MAGI2: variants seen among roughly 807,000 people sequenced by gnomAD.
The protein encoded by MAGI2 is membrane associated guanylate kinase, WW and PDZ domain containing 2.
MAGI2 carries 35 observed loss-of-function variants against 133.3 expected under a neutral mutation model. The ratio of observed to expected loss-of-function variants is 0.26; its 90% CI spans 0.20 to 0.35. MAGI2 has a LOEUF of 0.35. MAGI2 is among the 10% of genes least tolerant of loss of function. The pLI, the probability that MAGI2 is intolerant of heterozygous loss-of-function variation, is 1.00. For missense variants in MAGI2, 1,636 were observed against 1,863.4 expected (o/e 0.88, Z 2.25); for synonymous variants, 729 against 710.6 (o/e 1.03, Z -0.41).
intron 1 of MAGI2, among the ~76,000 whole-genome samples, chr7:79,370,839 C>G (rs570129991): frequency 6.6e-6 from 1 of 152,116 alleles, no homozygotes; most frequent in South Asian, 2.1e-4. Flanking sequence ...AAACACGGCA[C>G]TCCCCTAAAA....
At chr7:79,120,172 T>A (rs1220457401) in intron 1 of MAGI2, among the ~76,000 whole-genome samples, 1 of 152,098 alleles carries the variant, frequency 6.6e-6, no homozygotes, top group Non-Finnish European at 1.5e-5. Context: ...GTAGTCTGAT[T>A]GCCTTTTTAT....
At chr7:78,315,470 T>C (rs1787316533) in intron 9 of MAGI2, among the ~76,000 whole-genome samples, 1 of 152,174 alleles carries the variant, frequency 6.6e-6, no homozygotes, top group Admixed American at 6.6e-5. Flanking sequence ...CATTGAGTTC[T>C]TCCTTGGAGG....
intron 2 of MAGI2, among the ~76,000 whole-genome samples, chr7:78,754,861 T>C (rs1823795761): frequency 6.6e-6 from 1 of 152,246 alleles, no homozygotes; most frequent in Non-Finnish European, 1.5e-5. Flanking sequence ...CACCAGAGAA[T>C]GAAGGCAAAT....
chr7:79,157,043 G>A (rs1160307686), intron 1 of MAGI2, among the ~76,000 whole-genome samples: 1 of 152,052 alleles, frequency 6.6e-6, no homozygotes, highest in Non-Finnish European at 1.5e-5. Flanking sequence ...CTCCTAGGAA[G>A]TTGTTGCTAA....
chr7:79,156,176 A>G (rs1823760276), intron 1 of MAGI2, among the ~76,000 whole-genome samples: 1 of 152,144 alleles, frequency 6.6e-6, no homozygotes, highest in Non-Finnish European at 1.5e-5. Context: ...AACTCTATGT[A>G]TCGTGACTTG....
At chr7:78,533,466 T>C (rs1797632872) in intron 3 of MAGI2, among the ~76,000 whole-genome samples, 1 of 152,092 alleles carries the variant, frequency 6.6e-6, no homozygotes, top group South Asian at 2.1e-4. Context: ...TTTCATGAAG[T>C]TGTAAGGTTC....
chr7:78,749,220 C>T (rs1342079415), intron 2 of MAGI2, among the ~76,000 whole-genome samples: 1 of 151,998 alleles, frequency 6.6e-6, no homozygotes, highest in African/African-American at 2.4e-5. Flanking sequence ...TAAGCCTTGG[C>T]AAACAGGTAG....
At chr7:78,671,275 CTCTCT>C (rs1386589952) in intron 2 of MAGI2, among the ~76,000 whole-genome samples, 1 of 87,128 alleles carries the variant, frequency 1.1e-5, no homozygotes, top group Non-Finnish European at 2.3e-5. Context: ...TTGTGTCTCT[CTCTCT>C]CTTTTTTTTT....
chr7:78,145,598 G>C (rs753848428), intron 16 of MAGI2, among the ~76,000 whole-genome samples: 1 of 152,160 alleles, frequency 6.6e-6, no homozygotes, highest in Non-Finnish European at 1.5e-5. Context: ...TTGGCCCCCT[G>C]TTGTTCTCTT....
At chr7:79,159,747 C>T (rs373902727) in intron 1 of MAGI2, among the ~76,000 whole-genome samples, 9 of 152,070 alleles carry the variant, frequency 5.9e-5, no homozygotes, top group South Asian at 4.1e-4. Flanking sequence ...CTTTCTCTTT[C>T]GAAAAGGCCT....
intron 1 of MAGI2, among the ~76,000 whole-genome samples, chr7:79,285,703 A>T (rs935321446): frequency 1.3e-5 from 2 of 152,098 alleles, no homozygotes; most frequent in Admixed American, 1.3e-4. Context: ...TACTGATCAC[A>T]AAGGATACAC....
At chr7:78,864,625 A>G (rs1212303357) in intron 2 of MAGI2, among the ~76,000 whole-genome samples, 2 of 152,178 alleles carry the variant, frequency 1.3e-5, no homozygotes, top group African/African-American at 4.8e-5. Context: ...AACTTTAATA[A>G]CAGGTTGGAA....
intron 21 of MAGI2, among the ~76,000 whole-genome samples, chr7:78,070,612 ATATATGTG>A (rs1456454125): frequency 4.1e-4 from 53 of 128,980 alleles, no homozygotes; most frequent in Non-Finnish European, 5.5e-4. Flanking sequence ...ATGTGTATAT[ATATATGTG>A]TGTGTGTGTG....
chr7:78,536,126 T>TTG, intron 3 of MAGI2, among the ~76,000 whole-genome samples: 1 of 131,118 alleles, frequency 7.6e-6, no homozygotes, highest in Admixed American at 7.6e-5. Context: ...TTTTTTTTTT[T>TTG]TTTTGAGACG....
intron 2 of MAGI2, among the ~76,000 whole-genome samples, chr7:78,710,531 T>C (rs567177739): frequency 6.6e-6 from 1 of 152,286 alleles, no homozygotes; most frequent in South Asian, 2.1e-4. Context: ...TGGAGTTTTA[T>C]CTGTCCATGG....
At position 79,274,795 on chromosome 7, in the gene MAGI2, C is replaced by T. The variant is rs145270316; in HGVS notation, c.301+178225G>A. Among the ~76,000 whole-genome samples, 10 of 152,210 alleles carry T rather than the reference C, an allele frequency of 6.6e-5. No individual in the cohort carries two copies. The East Asian group carries it at 1.7e-3, about 27-fold the overall frequency. On this transcript the variant is annotated intron_variant, in intron 1 of 21. Coordinates refer to ENST00000354212, the MANE Select transcript of MAGI2 (RefSeq NM_012301.4). ...CCAACATGATCACTTTGTGTCTCCACGTCACATTTTAGTAATTCTCACAAT... is the reference window on the plus strand; with the variant it reads ...CCAACATGATCACTTTGTGTCTCCATGTCACATTTTAGTAATTCTCACAAT...
At chr7:78,380,614 A>AG (rs1336046101) in intron 6 of MAGI2, among the ~76,000 whole-genome samples, 4 of 152,114 alleles carry the variant, frequency 2.6e-5, no homozygotes, top group African/African-American at 9.7e-5. Flanking sequence ...TAGCAGAGGA[A>AG]GGGGGGATAG....
intron 2 of MAGI2, among the ~76,000 whole-genome samples, chr7:78,989,031 T>C (rs1805520188): frequency 6.6e-6 from 1 of 152,070 alleles, no homozygotes; most frequent in Non-Finnish European, 1.5e-5. Flanking sequence ...TCGTGTATTT[T>C]TGTTTGCAAC....
intron 6 of MAGI2, among the ~76,000 whole-genome samples, chr7:78,378,335 C>T (rs1051807604): frequency 1.3e-5 from 2 of 151,870 alleles, no homozygotes; most frequent in Non-Finnish European, 1.5e-5. Context: ...AGAACTAATA[C>T]ATAAAACTGT....
Sources: allele counts gnomAD v4.1 joint callset (sites outside exome capture counted in the v4.1 genomes callset), GRCh38; gene constraint gnomAD v4.1.1; transcripts MANE v1.5; gene names NCBI Gene and HGNC (gene_info 2026-07-23, HGNC 2026-07-21).